PPM1E: variants seen among roughly 807,000 people sequenced by gnomAD.
PPM1E encodes protein phosphatase 1E.
In PPM1E, 20 loss-of-function variants were observed where a neutral mutation model predicts 65.9. That is an observed-to-expected ratio of 0.30 (90% CI 0.21 to 0.44). The LOEUF is 0.44. Among genes scored for constraint, PPM1E ranks in the 20% least tolerant of loss-of-function variants. The probability of loss-of-function intolerance (pLI) is 1.00; values close to 1 mark genes in which losing one functional copy is unlikely to be tolerated. For synonymous variants in PPM1E, 352 were observed against 374.9 expected (o/e 0.94, Z 0.70); for missense variants, 713 against 953.1 (o/e 0.75, Z 3.32).
rs764368996 is a variant in PPM1E, at chr17:58,972,314, T to C, written c.1116+39T>C. 1.0e-4 allele frequency: 163 copies of C among 1,569,734 alleles called. No homozygotes were observed. In the South Asian group the frequency reaches 1.8e-3, roughly 17 times the overall value. On this transcript the variant is annotated intron_variant, in intron 5 of 6. Coordinates refer to ENST00000308249, the MANE Select transcript of PPM1E (RefSeq NM_014906.5). ...GTTTTAATAGAGCCCATGCTCTAGT[T>C]ATTAGTTTAGATTTTCTAGTTATTG...
At chr17:58,861,436 TTTC>T (rs1239955602) in intron 1 of PPM1E, among the ~76,000 whole-genome samples, 11 of 152,206 alleles carry the variant, frequency 7.2e-5, no homozygotes, top group Admixed American at 6.5e-4. Context: ...ATGCTGTCTT[TTTC>T]TTCTTCTTGT....
chr17:58,898,256 A>C (rs1319225501), intron 1 of PPM1E, among the ~76,000 whole-genome samples: 2 of 151,528 alleles, frequency 1.3e-5, no homozygotes, highest in African/African-American at 4.8e-5. Context: ...TGCGTCTCAA[A>C]AAAAAAAAAA....
intron 1 of PPM1E, among the ~76,000 whole-genome samples, chr17:58,926,448 A>G (rs1227481621): frequency 6.6e-6 from 1 of 151,876 alleles, no homozygotes; most frequent in African/African-American, 2.4e-5. Context: ...CTCCCTTTAT[A>G]TTTTTTAATT....
intron 2 of PPM1E, among the ~76,000 whole-genome samples, chr17:58,959,692 G>A (rs1184894012): frequency 6.7e-6 from 1 of 148,206 alleles, no homozygotes; most frequent in Non-Finnish European, 1.5e-5. Context: ...AAAATCTTAA[G>A]TAAAATATTT....
At chr17:58,805,949 T>TAAAAAAAAAAAAAAAAAAAAAAAAAAAA (rs1163979989) in intron 1 of PPM1E, among the ~76,000 whole-genome samples, 2 of 21,654 alleles carry the variant, frequency 9.2e-5, no homozygotes, top group African/African-American at 2.1e-4. Flanking sequence ...GCTGTTCTGC[T>TAAAAAAAAAAAAAAAAAAAAAAAAAAAA]AAAAAAAAAA....
At chr17:58,796,551 T>A (rs1356644988) in intron 1 of PPM1E, among the ~76,000 whole-genome samples, 3 of 152,226 alleles carry the variant, frequency 2.0e-5, no homozygotes, top group East Asian at 3.9e-4. Context: ...ATTACAGGCG[T>A]GAGCCACTGT....
rs1567901537 is a variant in PPM1E, at chr17:58,981,076, C to G, written c.*45C>G. 1.5e-6 allele frequency: 2 copies of G among 1,333,850 alleles called. No homozygotes were observed. Among genetic ancestry groups the G allele is most frequent in the Non-Finnish European group, 2.1e-6 (2 of 965,764 alleles). 82.6% of individuals were successfully genotyped at this position (1,333,850 alleles called of 1,614,324 possible). ...AGCTAGCTCTCCCCCAATAAAAATA[C>G]CACTATCAGAGTAGAAACAAGGTAG... On this transcript the variant is annotated 3_prime_UTR_variant, in exon 7 of 7. Transcript: ENST00000308249.
In PPM1E at chr17:58,889,765, A is replaced by G. The variant is rs79575852; in HGVS notation, c.465-65884A>G. 2.8e-3 allele frequency among the ~76,000 whole-genome samples: 431 copies of G among 152,308 alleles called. 1 individual carries two copies. The highest frequency in any genetic ancestry group is 5.4e-3 in the Non-Finnish European group (365 of 68,032). On this transcript the variant is annotated intron_variant, in intron 1 of 6. Transcript: ENST00000308249. ...CTTATGTGGTTGCAAGTACATAGCT[A>G]TCTTTATGTGAGATATTACTGCCCT...
At chr17:58,780,140 C>G (rs532633501) in intron 1 of PPM1E, among the ~76,000 whole-genome samples, 15 of 152,310 alleles carry the variant, frequency 9.8e-5, no homozygotes, top group African/African-American at 3.6e-4. Flanking sequence ...GGTATGCATG[C>G]TTAAAATCTT....
chr17:58,880,321 A>AGTCAATAT (rs1223538198), intron 1 of PPM1E, among the ~76,000 whole-genome samples: 2 of 152,226 alleles, frequency 1.3e-5, no homozygotes, highest in African/African-American at 4.8e-5. Flanking sequence ...AATTCAAAAT[A>AGTCAATAT]GTCAATATGT....
At chr17:58,880,566 T>C (rs2051183359) in intron 1 of PPM1E, among the ~76,000 whole-genome samples, 1 of 152,162 alleles carries the variant, frequency 6.6e-6, no homozygotes, top group Non-Finnish European at 1.5e-5. Context: ...AAAAGTATGA[T>C]GGTAAGGAGA....
intron 1 of PPM1E, among the ~76,000 whole-genome samples, chr17:58,792,459 G>A (rs1161002455): frequency 1.3e-5 from 2 of 151,564 alleles, no homozygotes; most frequent in Non-Finnish European, 2.9e-5. Flanking sequence ...TCCCACCTCA[G>A]CCTCCTGAGT....
intron 1 of PPM1E, among the ~76,000 whole-genome samples, chr17:58,816,785 TA>T (rs2050427493): frequency 8.0e-3 from 87 of 10,828 alleles, no homozygotes; most frequent in Non-Finnish European, 0.012. Context: ...TATATATATA[TA>T]TATATATATT....
chr17:58,816,847 G>C (rs2050431182), intron 1 of PPM1E, among the ~76,000 whole-genome samples: 1 of 138,552 alleles, frequency 7.2e-6, no homozygotes, highest in Non-Finnish European at 1.5e-5. Flanking sequence ...CCAGGTTGGA[G>C]TGCAGTGGCG....
At chr17:58,799,745 A>G (rs1220682180) in intron 1 of PPM1E, among the ~76,000 whole-genome samples, 2 of 151,542 alleles carry the variant, frequency 1.3e-5, no homozygotes, top group Non-Finnish European at 2.9e-5. Context: ...CACCTTGCCA[A>G]ATTTTTTGTA....
chr17:58,875,971 T>G, intron 1 of PPM1E, among the ~76,000 whole-genome samples: 1 of 152,198 alleles, frequency 6.6e-6, no homozygotes, highest in Admixed American at 6.5e-5. Context: ...TCAATGACTT[T>G]ACATCTCTTC....
chr17:58,906,352 C>T (rs1167419315), intron 1 of PPM1E, among the ~76,000 whole-genome samples: 2 of 151,998 alleles, frequency 1.3e-5, no homozygotes, highest in Non-Finnish European at 2.9e-5. Context: ...TCATTGATTT[C>T]TGCTCTAATT....
intron 1 of PPM1E, among the ~76,000 whole-genome samples, chr17:58,804,719 C>T (rs2050289038): frequency 6.6e-6 from 1 of 151,950 alleles, no homozygotes; most frequent in Non-Finnish European, 1.5e-5. Context: ...ACAGAATCTT[C>T]CTGCCATTAT....
In PPM1E at chr17:58,983,961, T is replaced by C. The variant is rs1365214606; in HGVS notation, c.*2930T>C. 2.0e-5 allele frequency: 3 copies of C among 152,660 alleles called. No homozygotes were observed. In the East Asian group the frequency reaches 5.8e-4, roughly 29 times the overall value. The allele number at this position is 152,660 out of a possible 1,614,324, so 9.5% of individuals were successfully genotyped here. On this transcript the variant is annotated 3_prime_UTR_variant, in exon 7 of 7. Coordinates refer to ENST00000308249, the MANE Select transcript of PPM1E (RefSeq NM_014906.5). ...TCAGTCCCTAATTTACAGGTTTCCTTTGTTCACTTTCTAGATGTGTACTTT... is the reference window on the plus strand; with the variant it reads ...TCAGTCCCTAATTTACAGGTTTCCTCTGTTCACTTTCTAGATGTGTACTTT...
Sources: allele counts gnomAD v4.1 joint callset (sites outside exome capture counted in the v4.1 genomes callset), GRCh38; gene constraint gnomAD v4.1.1; transcripts MANE v1.5; gene names NCBI Gene and HGNC (gene_info 2026-07-23, HGNC 2026-07-21).